Variants in CD99L2 observed in about 807,000 individuals in gnomAD.
CD99L2 encodes the protein CD99 antigen-like protein 2.
A neutral mutation model predicts 27.3 loss-of-function variants in CD99L2; 24 were observed. That is an observed-to-expected ratio of 0.88 (90% confidence interval 0.64 to 1.24). The LOEUF (loss-of-function observed/expected upper bound fraction) is 1.24, where lower values mean the gene tolerates loss of function less well. Among genes scored for constraint, CD99L2 ranks in the 50% most tolerant of loss-of-function variants. The pLI, the probability that CD99L2 is intolerant of heterozygous loss-of-function variation, is 0.00. For synonymous variants in CD99L2, 97 were observed against 87.9 expected (o/e 1.10, Z -0.58); for missense variants, 255 against 221.6 (o/e 1.15, Z -0.96).
At chrX:150,819,927 A>AACCAAC (rs2046220357) in intron 2 of CD99L2, among the ~76,000 whole-genome samples, 1 of 111,809 alleles carries the variant, frequency 8.9e-6, no homozygotes, top group African/African-American at 3.2e-5. Context: ...TTTAAAAAAG[A>AACCAAC]ACCAACACCA....
Position 150,793,849 on chromosome X carries a change from TCCCAGTTCCACTTAAGAATG to T in CD99L2, c.431-113_431-94del, listed in dbSNP as rs782374290. On this transcript the variant is annotated intron_variant, in intron 6 of 10. Coordinates refer to ENST00000370377, the MANE Select transcript of CD99L2 (RefSeq NM_031462.4). ...TGTTGCCCAAAATTCAGAAAATGAT[TCCCAGTTCCACTTAAGAATG>T]CCCTTCATGAAATTCTAAGAGGTCC... The T allele has an allele frequency of 1.7e-4, 122 of 706,129 alleles. No homozygotes were observed. The South Asian group carries it at 3.6e-3, about 21-fold the overall frequency. 58.2% of individuals were successfully genotyped at this position (706,129 alleles called of 1,213,427 possible).
At chrX:150,794,238 G>A (rs782017788) in intron 6 of CD99L2, among the ~76,000 whole-genome samples, 1 of 111,237 alleles carries the variant, frequency 9.0e-6, no homozygotes, top group African/African-American at 3.3e-5. Context: ...TGCTAGTCTT[G>A]AAGCAGCAAG....
intron 7 of CD99L2, among the ~76,000 whole-genome samples, chrX:150,790,727 A>T (rs994580638): frequency 1.8e-5 from 2 of 111,909 alleles, no homozygotes; most frequent in Admixed American, 1.9e-4. Flanking sequence ...GTAAGTGAGA[A>T]AGGAAGATCG....
intron 2 of CD99L2, among the ~76,000 whole-genome samples, chrX:150,830,016 G>A (rs782046071): frequency 4.6e-4 from 51 of 109,874 alleles, no homozygotes; most frequent in Non-Finnish European, 8.9e-4. Context: ...CTAGCTGGGC[G>A]TGGCGGTACG....
chrX:150,839,404 A>G (rs1403070318), intron 1 of CD99L2, among the ~76,000 whole-genome samples: 1 of 111,852 alleles, frequency 8.9e-6, no homozygotes, highest in Non-Finnish European at 1.9e-5. Flanking sequence ...CTAGGATTGG[A>G]TCCTGAACCT....
At chrX:150,789,561 A>G (rs1418148830) in intron 7 of CD99L2, among the ~76,000 whole-genome samples, 1 of 111,723 alleles carries the variant, frequency 9.0e-6, no homozygotes, top group Non-Finnish European at 1.9e-5. Context: ...TATTATGTGT[A>G]TGTCTACACA....
intron 1 of CD99L2, among the ~76,000 whole-genome samples, chrX:150,897,032 T>C (rs1439705330): frequency 2.7e-5 from 3 of 112,513 alleles, no homozygotes; most frequent in Non-Finnish European, 5.6e-5. Context: ...GAAGACAGCT[T>C]TGAAGGGAGT....
chrX:150,888,858 A>G (rs985410140), intron 1 of CD99L2, among the ~76,000 whole-genome samples: 3 of 112,036 alleles, frequency 2.7e-5, no homozygotes, highest in Non-Finnish European at 3.8e-5. Context: ...CAGCCATTTG[A>G]GTCCTCCTAG....
chrX:150,774,905 G>C (rs1454384872), intron 9 of CD99L2, among the ~76,000 whole-genome samples: 1 of 111,940 alleles, frequency 8.9e-6, no homozygotes, highest in Non-Finnish European at 1.9e-5. Flanking sequence ...CCCATTCCCT[G>C]CTCATGCCAC....
intron 2 of CD99L2, among the ~76,000 whole-genome samples, chrX:150,818,051 C>CAAAA (rs782183143): frequency 1.1e-5 from 1 of 93,316 alleles, no homozygotes; most frequent in African/African-American, 4.9e-5. Flanking sequence ...AAGAGGAAGA[C>CAAAA]ATAATAATTT....
rs782299379 is a variant in CD99L2 at position 150,783,820 on chromosome X, G to A, written c.497-6338C>T. Reference sequence around the variant, plus strand: ...CAAAGCAAGTTCCACCTTTAGACCCGGAAGGAGAAGCTCAGGTAGTGCTCC... The same window carrying A: ...CAAAGCAAGTTCCACCTTTAGACCCAGAAGGAGAAGCTCAGGTAGTGCTCC... On this transcript the variant is annotated intron_variant, in intron 7 of 10. Transcript: ENST00000370377. Among the ~76,000 whole-genome samples, 5 of 111,591 alleles carry A rather than the reference G, an allele frequency of 4.5e-5. No individual in the cohort carries two copies. The East Asian group carries it at 1.4e-3, about 32-fold the overall frequency.
chrX:150,793,869 GCCCTTCA>G (rs1557419806), intron 6 of CD99L2, 113 bp from the exon 7 acceptor site: 2 of 568,278 alleles, frequency 3.5e-6, no homozygotes, highest in Non-Finnish European at 5.3e-6. Context: ...ACTTAAGAAT[GCCCTTCA>G]TGAAATTCTA....
chrX:150,792,824 C>T, intron 7 of CD99L2, among the ~76,000 whole-genome samples: 1 of 112,203 alleles, frequency 8.9e-6, no homozygotes, highest in Non-Finnish European at 1.9e-5. Context: ...GCCTGCCTTG[C>T]CACATCAACA....
chrX:150,826,543 T>A (rs905072908), intron 2 of CD99L2, among the ~76,000 whole-genome samples: 2 of 111,207 alleles, frequency 1.8e-5, no homozygotes, highest in Non-Finnish European at 3.8e-5. Flanking sequence ...AATAGGGAAG[T>A]CCATGGAGAC....
At chrX:150,840,545 GA>G (rs1319333723) in intron 1 of CD99L2, among the ~76,000 whole-genome samples, 8 of 111,341 alleles carry the variant, frequency 7.2e-5, no homozygotes, top group Non-Finnish European at 1.1e-4. Context: ...AAGTAGCTAG[GA>G]ACACAGGCAC....
At chrX:150,836,390 C>T (rs554338196) in intron 1 of CD99L2, among the ~76,000 whole-genome samples, 1 of 110,771 alleles carries the variant, frequency 9.0e-6, no homozygotes, top group Non-Finnish European at 1.9e-5. Flanking sequence ...GTTGCCGAGG[C>T]TGGAGTGCAA....
chrX:150,778,854 A>C lies in CD99L2; in HGVS notation c.497-1372T>G, dbSNP rs1463416604. On this transcript the variant is annotated intron_variant, in intron 7 of 10. Coordinates refer to ENST00000370377, the MANE Select transcript of CD99L2 (RefSeq NM_031462.4). ...CACCAGCATTAAAAACAAAACAAAAAAAAAACAAAAAAATACACACATACA... is the reference window on the plus strand; with the variant it reads ...CACCAGCATTAAAAACAAAACAAAACAAAAACAAAAAAATACACACATACA... 5.5e-5 allele frequency among the ~76,000 whole-genome samples: 6 copies of C among 109,355 alleles called. No homozygotes were observed. In the East Asian group the frequency reaches 1.1e-3, roughly 21 times the overall value. The allele number at this position is 109,355 out of a possible 115,157, so 95.0% of individuals were successfully genotyped here.
chrX:150,881,112 T>G (rs58789980), intron 1 of CD99L2, among the ~76,000 whole-genome samples: 28,939 of 110,086 alleles, frequency 0.26, 2,850 homozygotes, highest in Middle Eastern at 0.36. Context: ...CTGGGTTCTC[T>G]CTTCACCCCA....
intron 2 of CD99L2, among the ~76,000 whole-genome samples, chrX:150,827,493 G>T (rs2046384091): frequency 9.0e-6 from 1 of 111,637 alleles, no homozygotes; most frequent in African/African-American, 3.3e-5. Flanking sequence ...TCGATTGGAG[G>T]TATGATATGC....
Sources: gnomAD v4.1 joint callset for allele counts (sites outside exome capture counted in the v4.1 genomes callset) on GRCh38, gnomAD v4.1.1 for gene constraint, MANE v1.5 for transcripts, NCBI Gene and HGNC (gene_info 2026-07-23, HGNC 2026-07-21) for gene names.